The following TTC28 variants were observed in gnomAD, a reference collection of about 807,000 sequenced individuals.
TTC28 encodes tetratricopeptide repeat protein 28.
In TTC28, 61 loss-of-function variants were observed where a neutral mutation model predicts 198.0. That is an observed-to-expected ratio of 0.31 (90% confidence interval 0.25 to 0.38). The LOEUF (loss-of-function observed/expected upper bound fraction) is 0.38. Ranked by LOEUF, TTC28 falls within the 10% of genes least tolerant of loss-of-function variation. TTC28 has a pLI of 1.00. For missense variants in TTC28, 2,678 were observed against 3,164.0 expected (o/e 0.85, Z 3.69); for synonymous variants, 1,171 against 1,297.8 (o/e 0.90, Z 2.10).
intron 12 of TTC28, among the ~76,000 whole-genome samples, chr22:28,063,917 G>T (rs1940651237): frequency 6.6e-6 from 1 of 152,196 alleles, no homozygotes; most frequent in Non-Finnish European, 1.5e-5. Context: ...GACCCATGAA[G>T]AAATTAGTCA....
At chr22:28,058,565 T>C (rs1007311943) in intron 12 of TTC28, among the ~76,000 whole-genome samples, 2 of 152,092 alleles carry the variant, frequency 1.3e-5, no homozygotes, top group Non-Finnish European at 2.9e-5. Context: ...CATGAGTAAT[T>C]TGGTTTGCAA....
intron 6 of TTC28, among the ~76,000 whole-genome samples, chr22:28,142,054 T>G (rs1943348283): frequency 6.6e-6 from 1 of 152,216 alleles, no homozygotes; most frequent in South Asian, 2.1e-4. Flanking sequence ...AAGAAACAGA[T>G]TATGAACATC....
At chr22:28,587,076 G>T (rs954217626) in intron 2 of TTC28, among the ~76,000 whole-genome samples, 2 of 152,108 alleles carry the variant, frequency 1.3e-5, no homozygotes, top group African/African-American at 4.8e-5. Context: ...ACAAAAATTA[G>T]CCGGGTATGG....
intron 2 of TTC28, among the ~76,000 whole-genome samples, chr22:28,536,944 C>T (rs2049292724): frequency 1.3e-5 from 2 of 151,304 alleles, no homozygotes; most frequent in South Asian, 4.2e-4. Context: ...AATATATTAA[C>T]ATTATAATAT....
intron 12 of TTC28, among the ~76,000 whole-genome samples, chr22:28,078,126 A>C (rs1355278882): frequency 6.6e-6 from 1 of 152,248 alleles, no homozygotes; most frequent in African/African-American, 2.4e-5. Flanking sequence ...ACACTTAATA[A>C]AAGCACTTCT....
At chr22:28,532,354 C>T (rs982630859) in intron 2 of TTC28, among the ~76,000 whole-genome samples, 1 of 152,020 alleles carries the variant, frequency 6.6e-6, no homozygotes, top group Admixed American at 6.6e-5. Flanking sequence ...AAGACTAAAC[C>T]AGGAAGAAGG....
chr22:28,394,186 T>C (rs975025302), intron 2 of TTC28, among the ~76,000 whole-genome samples: 17 of 152,230 alleles, frequency 1.1e-4, no homozygotes, highest in Non-Finnish European at 2.4e-4. Flanking sequence ...CTGGGTACCA[T>C]GGGTCAATGT....
At chr22:28,125,177 G>T (rs957046445) in intron 6 of TTC28, among the ~76,000 whole-genome samples, 12 of 152,298 alleles carry the variant, frequency 7.9e-5, no homozygotes, top group African/African-American at 2.9e-4. Flanking sequence ...GAGAATTGAA[G>T]TACAAAGAAG....
intron 2 of TTC28, among the ~76,000 whole-genome samples, chr22:28,490,395 C>T (rs1243509516): frequency 6.6e-6 from 1 of 152,144 alleles, no homozygotes; most frequent in Non-Finnish European, 1.5e-5. Context: ...GAGTTTGTAT[C>T]ACCTGGAACA....
intron 2 of TTC28, among the ~76,000 whole-genome samples, chr22:28,441,251 T>C (rs2047616841): frequency 6.6e-6 from 1 of 152,160 alleles, no homozygotes; most frequent in South Asian, 2.1e-4. Context: ...AAGCAGACGT[T>C]TATGAATGTA....
At chr22:28,239,366 C>T (rs75453968) in intron 5 of TTC28, among the ~76,000 whole-genome samples, 10,547 of 152,076 alleles carry the variant, frequency 0.069, 536 homozygotes, top group Non-Finnish European at 0.096. Context: ...CTGGAAAGAG[C>T]ACCACTCTAC....
intron 14 of TTC28, among the ~76,000 whole-genome samples, chr22:28,003,919 G>C (rs1937817645): frequency 6.6e-6 from 1 of 152,372 alleles, no homozygotes; most frequent in East Asian, 1.9e-4. Context: ...CAGCCACTGA[G>C]TGGTGTCCGT....
intron 2 of TTC28, among the ~76,000 whole-genome samples, chr22:28,572,630 T>C (rs1373913607): frequency 2.0e-5 from 3 of 152,142 alleles, no homozygotes; most frequent in Non-Finnish European, 2.9e-5. Context: ...AATCTACATA[T>C]AGCTAGATGG....
intron 13 of TTC28, among the ~76,000 whole-genome samples, chr22:28,018,556 C>T (rs1023347069): frequency 4.6e-5 from 7 of 152,216 alleles, no homozygotes; most frequent in Admixed American, 1.3e-4. Context: ...TTCCTGCCCA[C>T]GCCTCTTCCT....
At chr22:28,398,135 C>CG (rs1380257370) in intron 2 of TTC28, among the ~76,000 whole-genome samples, 1 of 152,134 alleles carries the variant, frequency 6.6e-6, no homozygotes, top group East Asian at 1.9e-4. Flanking sequence ...CACTGGTCCC[C>CG]GCCCCATTCC....
intron 2 of TTC28, among the ~76,000 whole-genome samples, chr22:28,600,620 C>A (rs1286292651): frequency 6.6e-6 from 1 of 152,034 alleles, no homozygotes; most frequent in African/African-American, 2.4e-5. Context: ...TATCATTATA[C>A]TGAAAAATTT....
intron 6 of TTC28, among the ~76,000 whole-genome samples, chr22:28,123,319 G>A (rs745698989): frequency 2.0e-5 from 3 of 151,914 alleles, no homozygotes; most frequent in African/African-American, 2.4e-5. Flanking sequence ...GCAATGGCAC[G>A]ATCGTGGCTC....
intron 12 of TTC28, among the ~76,000 whole-genome samples, chr22:28,076,294 A>G (rs959830122): frequency 8.5e-5 from 13 of 152,370 alleles, no homozygotes; most frequent in African/African-American, 3.1e-4. Flanking sequence ...CTAATGATGC[A>G]GCAATGGCAT....
At chr22:28,038,421 G>T (rs1364489161) in intron 12 of TTC28, among the ~76,000 whole-genome samples, 1 of 152,200 alleles carries the variant, frequency 6.6e-6, no homozygotes, top group Non-Finnish European at 1.5e-5. Flanking sequence ...AATGGGGAAA[G>T]GATTCCCTAT....
Sources: allele counts gnomAD v4.1 joint callset (sites outside exome capture counted in the v4.1 genomes callset), GRCh38; gene constraint gnomAD v4.1.1; transcripts MANE v1.5; gene names NCBI Gene and HGNC (gene_info 2026-07-23, HGNC 2026-07-21).